Variants in PHKB observed in about 807,000 individuals in gnomAD.
PHKB encodes the protein phosphorylase b kinase regulatory subunit beta.
In PHKB, 122 loss-of-function variants were observed where a neutral mutation model predicts 152.1. The observed-to-expected ratio is 0.80, with a 90% confidence interval of 0.69 to 0.93. The LOEUF is 0.93. Among genes scored for constraint, PHKB ranks in the 40% least tolerant of loss-of-function variants. The pLI is 0.00. For synonymous variants in PHKB, 436 were observed against 464.9 expected, an observed-to-expected ratio of 0.94 and a Z score of 0.80; for missense variants, 1,304 against 1,328.4, an observed-to-expected ratio of 0.98 and a Z score of 0.29.
intron 26 of PHKB, among the ~76,000 whole-genome samples, chr16:47,680,453 T>C (rs542163790): frequency 6.6e-6 from 1 of 152,340 alleles, no homozygotes; most frequent in Non-Finnish European, 1.5e-5. Flanking sequence ...CAGAGCCTGT[T>C]ATTAGTCTAT....
chr16:47,506,101 C>G (rs1319150031), intron 4 of PHKB, among the ~76,000 whole-genome samples: 7 of 150,324 alleles, frequency 4.7e-5, no homozygotes, highest in Admixed American at 3.3e-4. Flanking sequence ...CGCCTGTAAT[C>G]CCAGCACTTT....
chr16:47,574,779 C>T (rs1036618197), intron 7 of PHKB, among the ~76,000 whole-genome samples: 4 of 152,184 alleles, frequency 2.6e-5, no homozygotes, highest in African/African-American at 9.7e-5. Context: ...ACACCTCCCA[C>T]CTTGCCACAC....
intron 6 of PHKB, 59 bp from the exon 7 acceptor site, chr16:47,547,374 C>A: frequency 1.9e-6 from 2 of 1,046,478 alleles, no homozygotes; most frequent in Non-Finnish European, 3.0e-6. Flanking sequence ...TGAGCCACCA[C>A]ACCCGGCCTA....
chr16:47,671,567 T>C (rs1439044361), intron 26 of PHKB, among the ~76,000 whole-genome samples: 3 of 152,202 alleles, frequency 2.0e-5, no homozygotes, highest in South Asian at 2.1e-4. Context: ...CCACTAGTTT[T>C]ACACATAAAT....
chr16:47,546,852 G>A (rs147788018), intron 6 of PHKB, among the ~76,000 whole-genome samples: 39 of 152,224 alleles, frequency 2.6e-4, no homozygotes, highest in Admixed American at 1.4e-3. Flanking sequence ...CGTGCAGTTC[G>A]ATCTCGGACT....
chr16:47,630,117 A>G (rs1256988528), intron 14 of PHKB, among the ~76,000 whole-genome samples: 3 of 152,296 alleles, frequency 2.0e-5, no homozygotes, highest in East Asian at 1.9e-4. Flanking sequence ...AGGCACATGT[A>G]TACATATGTA....
Position 47,497,384 on chromosome 16 carries a change from T to C in PHKB, c.77-15T>C. On this transcript the variant is annotated splice_polypyrimidine_tract_variant and intron_variant, in intron 1 of 30. Coordinates refer to ENST00000323584, the MANE Select transcript of PHKB (RefSeq NM_000293.3). Reference sequence around the variant, plus strand: ...AAAATGACTGAATTTGATGGGTTTTTATTTTTTCTTTTAGGCTCAGTTTAT... The same window carrying C: ...AAAATGACTGAATTTGATGGGTTTTCATTTTTTCTTTTAGGCTCAGTTTAT... 1 of 1,528,222 alleles carries C rather than the reference T, an allele frequency of 6.5e-7. No homozygotes were observed. The highest frequency in any genetic ancestry group is 9.0e-7 in the Non-Finnish European group (1 of 1,108,794). The allele number at this position is 1,528,222 out of a possible 1,614,324, so 94.7% of individuals were successfully genotyped here. A position where few individuals can be genotyped will look rare whatever the true frequency, so the allele number is the denominator to read the frequency against.
chr16:47,490,978 TACTTTACA>T (rs1156908394), intron 1 of PHKB, among the ~76,000 whole-genome samples: 1 of 152,222 alleles, frequency 6.6e-6, no homozygotes, highest in Non-Finnish European at 1.5e-5. Flanking sequence ...CCCTAGCCAA[TACTTTACA>T]TTTTCCTATC....
chr16:47,541,468 T>A (rs1971057210), intron 6 of PHKB, among the ~76,000 whole-genome samples: 1 of 152,236 alleles, frequency 6.6e-6, no homozygotes, highest in African/African-American at 2.4e-5. Context: ...TATCTGCATG[T>A]GTCTTTATAG....
intron 26 of PHKB, chr16:47,675,726 G>A (rs1253677284): frequency 6.6e-6 from 1 of 152,076 alleles, no homozygotes; most frequent in Non-Finnish European, 1.5e-5. Flanking sequence ...AATCCCATTG[G>A]GATGATCTCT....
intron 4 of PHKB, among the ~76,000 whole-genome samples, chr16:47,506,897 G>C (rs932102046): frequency 6.6e-6 from 1 of 152,220 alleles, no homozygotes; most frequent in Non-Finnish European, 1.5e-5. Flanking sequence ...ATTCAAAGCT[G>C]TCATGCTCTG....
At chr16:47,623,486 GTT>G (rs5816578) in intron 14 of PHKB, among the ~76,000 whole-genome samples, 1 of 118,834 alleles carries the variant, frequency 8.4e-6, no homozygotes, top group African/African-American at 3.0e-5. Flanking sequence ...TTTGAACTTG[GTT>G]TTTTTTTTTT....
At position 47,461,347 on chromosome 16, in the gene PHKB, C is replaced by T; in HGVS notation, c.-4C>T. 6.2e-7 allele frequency: 1 copy of T among 1,607,684 alleles called. No homozygotes were observed. On this transcript the variant is annotated 5_prime_UTR_variant, in exon 1 of 31. Coordinates refer to ENST00000323584, the MANE Select transcript of PHKB (RefSeq NM_000293.3). ...GCGGTGGCCAAGGCGGCGACCGGAGCGCGATGGCGGGGGCGGCGGGACTCA... is the reference window on the plus strand; with the variant it reads ...GCGGTGGCCAAGGCGGCGACCGGAGTGCGATGGCGGGGGCGGCGGGACTCA...
intron 26 of PHKB, among the ~76,000 whole-genome samples, chr16:47,672,913 CTT>C (rs1350916477): frequency 1.3e-5 from 2 of 152,070 alleles, no homozygotes; most frequent in Non-Finnish European, 2.9e-5. Flanking sequence ...CAACATGTGA[CTT>C]AGTATTTAAC....
chr16:47,549,061 C>A (rs1460798996), intron 7 of PHKB, among the ~76,000 whole-genome samples: 1 of 151,888 alleles, frequency 6.6e-6, no homozygotes, highest in Non-Finnish European at 1.5e-5. Context: ...CAGTATAGAC[C>A]AGAATAGTAT....
rs1001701964 is a variant in PHKB at position 47,696,432 on chromosome 16, G to A, written c.2947G>A (p.Val983Ile). 1.2e-6 allele frequency: 2 copies of A among 1,612,316 alleles called. No homozygotes were observed. The highest frequency in any genetic ancestry group is 2.7e-5 in the African/African-American group (2 of 74,874). ...GTATGAGATGAATTTCTCTCTCCTT[G>A]TTGAAGACACGTTGGGAAATATTGA... Reference protein sequence around the residue: ...TMYEMNFSLLVEDTLGNIDQP... With the variant: ...TMYEMNFSLLIEDTLGNIDQP... The change falls in exon 29 of 31, where the codon GTT becomes ATT. Residue 983 changes from valine to isoleucine, a missense_variant. By Grantham distance (29) the Val-to-Ile change is conservative. Coordinates refer to ENST00000323584, the MANE Select transcript of PHKB (RefSeq NM_000293.3).
At chr16:47,686,681 C>T (rs528197464) in intron 26 of PHKB, among the ~76,000 whole-genome samples, 6 of 152,210 alleles carry the variant, frequency 3.9e-5, no homozygotes, top group Non-Finnish European at 7.4e-5. Flanking sequence ...GGTACATTCC[C>T]ATGTACTCAT....
chr16:47,465,292 A>G (rs1182765314), intron 1 of PHKB, among the ~76,000 whole-genome samples: 3 of 152,204 alleles, frequency 2.0e-5, no homozygotes, highest in Non-Finnish European at 4.4e-5. Flanking sequence ...TGGCTTTTCT[A>G]CTAAGAAGGA....
chr16:47,593,614 G>A (rs1972069606), intron 11 of PHKB, 57 bp downstream of exon 11: 1 of 1,011,836 alleles, frequency 9.9e-7, no homozygotes, highest in Non-Finnish European at 1.6e-6. Flanking sequence ...TTAAGCTGTA[G>A]GATTTAAGTG....
Sources: gnomAD v4.1 joint callset for allele counts (sites outside exome capture counted in the v4.1 genomes callset) on GRCh38, gnomAD v4.1.1 for gene constraint, MANE v1.5 for transcripts, NCBI Gene and HGNC (gene_info 2026-07-23, HGNC 2026-07-21) for gene names.